The following IGF1R variants were observed in gnomAD, a reference collection of about 807,000 sequenced individuals.
The protein encoded by IGF1R is insulin like growth factor 1 receptor, also known as insulin-like growth factor 1 receptor.
In IGF1R, 44 loss-of-function variants were observed where a neutral mutation model predicts 144.6. That is an observed-to-expected ratio of 0.30 (90% confidence interval 0.24 to 0.39). IGF1R has a LOEUF of 0.39. Among genes scored for constraint, IGF1R ranks in the 10% least tolerant of loss-of-function variants. The pLI, the probability that IGF1R is intolerant of heterozygous loss-of-function variation, is 1.00. For synonymous variants in IGF1R, 795 were observed against 722.8 expected, an observed-to-expected ratio of 1.10 and a Z score of -1.60; for missense variants, 1,355 against 1,833.7, an observed-to-expected ratio of 0.74 and a Z score of 4.77.
At chr15:98,800,045 C>G (rs896087865) in intron 2 of IGF1R, among the ~76,000 whole-genome samples, 4 of 152,046 alleles carry the variant, frequency 2.6e-5, no homozygotes, top group African/African-American at 9.7e-5. Flanking sequence ...GTATTTGGGC[C>G]CTGCTTTGAA....
Position 98,649,174 on chromosome 15 carries a change from C to A in IGF1R, c.-408C>A, listed in dbSNP as rs1049015651. ...CGCGGCGGAAGCTCGGGCGTCCGGC[C>A]GCCTCCCGCGCGGCCAGGGCCGGGC... On this transcript the variant is annotated 5_prime_UTR_variant, in exon 1 of 21. Transcript: ENST00000650285. The A allele has an allele frequency of 9.1e-6, 2 of 219,584 alleles. No homozygotes were observed. The highest frequency in any genetic ancestry group is 4.5e-5 in the African/African-American group (2 of 44,430). The allele number at this position is 219,584 out of a possible 1,614,324, so 13.6% of individuals were successfully genotyped here. A position where few individuals can be genotyped will look rare whatever the true frequency, so the allele number is the denominator to read the frequency against.
intron 2 of IGF1R, among the ~76,000 whole-genome samples, chr15:98,801,111 C>T (rs1219315705): frequency 6.6e-6 from 1 of 152,130 alleles, no homozygotes; most frequent in Non-Finnish European, 1.5e-5. Context: ...ACTTCTCCCT[C>T]CCAGCACCAC....
intron 2 of IGF1R, among the ~76,000 whole-genome samples, chr15:98,813,054 G>A (rs1322818297): frequency 6.6e-6 from 1 of 152,088 alleles, no homozygotes; most frequent in Non-Finnish European, 1.5e-5. Flanking sequence ...TGGCTGGGGC[G>A]AGGCTTACTT....
At chr15:98,860,001 C>T (rs1400400932) in intron 2 of IGF1R, among the ~76,000 whole-genome samples, 3 of 152,144 alleles carry the variant, frequency 2.0e-5, no homozygotes, top group Non-Finnish European at 2.9e-5. Flanking sequence ...CTGCAACCTT[C>T]ACCTCCCGGG....
At chr15:98,878,662 T>G (rs1596387244) in intron 2 of IGF1R, among the ~76,000 whole-genome samples, 1 of 15,752 alleles carries the variant, frequency 6.3e-5, no homozygotes, top group African/African-American at 3.6e-4. Context: ...TGTGAAAGAC[T>G]CAAAAAAAAA....
chr15:98,773,065 CT>C (rs1259735394), intron 2 of IGF1R, among the ~76,000 whole-genome samples: 1 of 152,176 alleles, frequency 6.6e-6, no homozygotes, highest in East Asian at 1.9e-4. Context: ...CTTAGCTCAT[CT>C]GTGGCCAAGT....
intron 2 of IGF1R, among the ~76,000 whole-genome samples, chr15:98,862,026 A>T (rs1284330844): frequency 6.6e-6 from 1 of 151,852 alleles, no homozygotes; most frequent in African/African-American, 2.4e-5. Flanking sequence ...AGCTTTTCAG[A>T]TGAGATTTGG....
intron 1 of IGF1R, among the ~76,000 whole-genome samples, chr15:98,689,352 C>T (rs966702137): frequency 1.3e-5 from 2 of 151,248 alleles, no homozygotes; most frequent in African/African-American, 4.9e-5. Flanking sequence ...AGTTCTCCTG[C>T]CTCAGCCTCC....
At chr15:98,736,721 C>T (rs8036819) in intron 2 of IGF1R, among the ~76,000 whole-genome samples, 16,957 of 150,976 alleles carry the variant, frequency 0.11, 1,170 homozygotes, top group South Asian at 0.18. Flanking sequence ...AAGCAATTCT[C>T]ATGCCTCGGC....
At chr15:98,903,490 T>C (rs1429463593) in intron 5 of IGF1R, among the ~76,000 whole-genome samples, 1 of 152,190 alleles carries the variant, frequency 6.6e-6, no homozygotes, top group Admixed American at 6.5e-5. Context: ...CCTGGGACTT[T>C]TGGAAAATAT....
chr15:98,806,813 A>G (rs1421729880), intron 2 of IGF1R, among the ~76,000 whole-genome samples: 1 of 152,192 alleles, frequency 6.6e-6, no homozygotes, highest in African/African-American at 2.4e-5. Flanking sequence ...CATTGATGTG[A>G]GAGCTTTAGG....
intron 2 of IGF1R, among the ~76,000 whole-genome samples, chr15:98,852,469 C>T (rs964795186): frequency 5.3e-5 from 8 of 152,364 alleles, no homozygotes; most frequent in Admixed American, 1.3e-4. Context: ...CACCTTTCCG[C>T]GGGGCCCGGG....
At chr15:98,877,501 TTTTTTTTTTTTTC>T in intron 2 of IGF1R, among the ~76,000 whole-genome samples, 1 of 143,012 alleles carries the variant, frequency 7.0e-6, no homozygotes, top group East Asian at 2.3e-4. Context: ...TTTTTTTTTT[TTTTTTTTTTTTTC>T]CCCAAAAAAT....
intron 2 of IGF1R, among the ~76,000 whole-genome samples, chr15:98,753,824 GTC>G (rs1466753801): frequency 6.6e-6 from 1 of 152,180 alleles, no homozygotes; most frequent in Non-Finnish European, 1.5e-5. Context: ...GAGTTGGGAG[GTC>G]TCTCTTGTAT....
chr15:98,941,822 A>G (rs989021157), intron 18 of IGF1R, among the ~76,000 whole-genome samples: 1 of 152,240 alleles, frequency 6.6e-6, no homozygotes. Context: ...TTAGAGACAT[A>G]CATGAGCATT....
chr15:98,832,521 A>G (rs550238772), intron 2 of IGF1R, among the ~76,000 whole-genome samples: 1 of 152,158 alleles, frequency 6.6e-6, no homozygotes, highest in African/African-American at 2.4e-5. Flanking sequence ...TTGTATTCCT[A>G]CTCTAGGAGC....
rs2052252065 is a variant in IGF1R at position 98,648,694 on chromosome 15, A to G, written c.-888A>G. 6.8e-6 allele frequency among the ~76,000 whole-genome samples: 1 copy of G among 146,344 alleles called. No individual in the cohort carries two copies. Among genetic ancestry groups the G allele is most frequent in the Non-Finnish European group, 1.5e-5 (1 of 65,898 alleles). ...GCGGGAGAGCGAGAGGGACGCCGCC[A>G]GCGAGCCTGCCCACGGCCGGCGCTC... On this transcript the variant is annotated 5_prime_UTR_variant, in exon 1 of 21. Transcript: ENST00000650285.
chr15:98,930,971 T>C (rs890697294), intron 15 of IGF1R, among the ~76,000 whole-genome samples: 1 of 152,244 alleles, frequency 6.6e-6, no homozygotes, highest in African/African-American at 2.4e-5. Flanking sequence ...GGTTGGTCAC[T>C]GAGTCCAGTG....
chr15:98,860,845 C>T (rs931983974), intron 2 of IGF1R, among the ~76,000 whole-genome samples: 1 of 152,186 alleles, frequency 6.6e-6, no homozygotes, highest in Non-Finnish European at 1.5e-5. Context: ...GCTTTGAAAA[C>T]AGATTTCTAA....
Sources: gnomAD v4.1 joint callset for allele counts (sites outside exome capture counted in the v4.1 genomes callset) on GRCh38, gnomAD v4.1.1 for gene constraint, MANE v1.5 for transcripts, NCBI Gene and HGNC (gene_info 2026-07-23, HGNC 2026-07-21) for gene names.